CYP7B1: variants seen among roughly 807,000 people sequenced by gnomAD.
CYP7B1 encodes cytochrome P450 family 7 subfamily B member 1, also known as cytochrome P450 7B1.
CYP7B1 carries 29 observed loss-of-function variants against 42.7 expected under a neutral mutation model. The observed-to-expected ratio is 0.68, with a 90% confidence interval of 0.51 to 0.93. The LOEUF (loss-of-function observed/expected upper bound fraction) is 0.93, where lower values mean the gene tolerates loss of function less well. Among genes scored for constraint, CYP7B1 ranks in the 40% least tolerant of loss-of-function variants. The pLI is 0.00. For missense variants in CYP7B1, 655 were observed against 600.5 expected (o/e 1.09, Z -0.95); for synonymous variants, 235 against 218.2 (o/e 1.08, Z -0.68).
intron 1 of CYP7B1, among the ~76,000 whole-genome samples, chr8:64,676,976 G>T (rs1000163858): frequency 2.0e-5 from 3 of 152,014 alleles, no homozygotes; most frequent in African/African-American, 7.3e-5. Context: ...AACTGGTATT[G>T]TCAGCTGATG....
intron 3 of CYP7B1, 103 bp downstream of exon 3, chr8:64,615,588 A>C (rs551479560): frequency 9.1e-7 from 1 of 1,098,534 alleles, no homozygotes; most frequent in East Asian, 2.4e-5. Flanking sequence ...AGCCAATTAG[A>C]AAGAGCATAA....
chr8:64,665,076 T>C (rs1806254822), intron 1 of CYP7B1, among the ~76,000 whole-genome samples: 1 of 152,226 alleles, frequency 6.6e-6, no homozygotes, highest in Non-Finnish European at 1.5e-5. Context: ...AGTCCATTAC[T>C]GTCAGTGGGA....
At chr8:64,659,854 G>A (rs955987130) in intron 1 of CYP7B1, among the ~76,000 whole-genome samples, 2 of 152,146 alleles carry the variant, frequency 1.3e-5, no homozygotes, top group African/African-American at 4.8e-5. Context: ...TACCCATCTT[G>A]AGTTTGTAAG....
intron 1 of CYP7B1, among the ~76,000 whole-genome samples, chr8:64,700,152 C>A (rs1468787076): frequency 6.6e-6 from 1 of 152,130 alleles, no homozygotes; most frequent in East Asian, 1.9e-4. Flanking sequence ...CACACATGTG[C>A]AGAGTCACAC....
At chr8:64,598,389 C>T (rs977661775) in intron 5 of CYP7B1, among the ~76,000 whole-genome samples, 2 of 152,152 alleles carry the variant, frequency 1.3e-5, no homozygotes, top group South Asian at 2.1e-4. Flanking sequence ...GGGCTCAAGC[C>T]TGCTTGCCTG....
intron 1 of CYP7B1, among the ~76,000 whole-genome samples, chr8:64,766,800 C>T (rs1807979627): frequency 6.6e-6 from 1 of 152,150 alleles, no homozygotes; most frequent in Non-Finnish European, 1.5e-5. Context: ...ACTGAGGGTG[C>T]CCAGGGCAAG....
downstream of CYP7B1, among the ~76,000 whole-genome samples, chr8:64,590,033 G>A (rs889574036): frequency 6.6e-6 from 1 of 152,126 alleles, no homozygotes; most frequent in African/African-American, 2.4e-5. Flanking sequence ...TTTTTATCCT[G>A]AAAAGAAAAT....
At chr8:64,646,766 G>C (rs1022931993) in intron 1 of CYP7B1, among the ~76,000 whole-genome samples, 1 of 152,126 alleles carries the variant, frequency 6.6e-6, no homozygotes, top group African/African-American at 2.4e-5. Context: ...TAAACCTCAC[G>C]AACTGCCCTT....
chr8:64,586,623 G>A (rs1276422069), downstream of CYP7B1, among the ~76,000 whole-genome samples: 2 of 152,174 alleles, frequency 1.3e-5, no homozygotes, highest in Non-Finnish European at 2.9e-5. Context: ...TGATTCACAT[G>A]GAAAGCAGGA....
chr8:64,783,912 G>C (rs1804475503), intron 1 of CYP7B1, among the ~76,000 whole-genome samples: 1 of 152,150 alleles, frequency 6.6e-6, no homozygotes, highest in Non-Finnish European at 1.5e-5. Context: ...AAATGGTACA[G>C]TTAATTTTAC....
At chr8:64,651,890 A>C (rs1217228750) in intron 1 of CYP7B1, among the ~76,000 whole-genome samples, 1 of 152,200 alleles carries the variant, frequency 6.6e-6, no homozygotes, top group African/African-American at 2.4e-5. Context: ...ATGAACTAAG[A>C]CAGCTCCCTT....
At position 64,730,751 on chromosome 8, in the gene CYP7B1, G is replaced by GCACACACACACA. The variant is rs61050207; in HGVS notation, c.122+67703_122+67714dup. Reference sequence around the variant, plus strand: ...GAACCCTGTGAAGCAAGGACTGTCTGCACACACACACACACACACACACAC... The same window carrying GCACACACACACA: ...GAACCCTGTGAAGCAAGGACTGTCTGCACACACACACACACACACACACACACACACACACAC... On this transcript the variant is annotated intron_variant, in intron 1 of 5. Transcript: ENST00000310193. 2.9e-3 allele frequency among the ~76,000 whole-genome samples: 417 copies of GCACACACACACA among 142,962 alleles called. 10 individuals are homozygous for GCACACACACACA. The highest frequency in any genetic ancestry group is 9.6e-3 in the African/African-American group (359 of 37,390). The allele number at this position is 142,962 out of a possible 152,430, so 93.8% of individuals were successfully genotyped here. A position where few individuals can be genotyped will look rare whatever the true frequency, so the allele number is the denominator to read the frequency against.
intron 1 of CYP7B1, among the ~76,000 whole-genome samples, chr8:64,740,301 A>G (rs1807549396): frequency 6.6e-6 from 1 of 152,100 alleles, no homozygotes; most frequent in Non-Finnish European, 1.5e-5. Flanking sequence ...CGAATTAAAC[A>G]ACAAATTCCT....
Position 64,798,686 on chromosome 8 carries a change from C to T in CYP7B1, c.-99G>A. On this transcript the variant is annotated 5_prime_UTR_variant, in exon 1 of 6. Coordinates refer to ENST00000310193, the MANE Select transcript of CYP7B1 (RefSeq NM_004820.5). ...GCGGCGGCTTCTCTCGGCGGCGCCC[C>T]CTAGTCCAGGGCCGGAGAGGCTGGC... The T allele has an allele frequency of 7.5e-7, 1 of 1,333,974 alleles. No homozygotes were observed. Among genetic ancestry groups the T allele is most frequent in the Non-Finnish European group, 9.7e-7 (1 of 1,028,350 alleles). The allele number at this position is 1,333,974 out of a possible 1,614,324, so 82.6% of individuals were successfully genotyped here. A position where few individuals can be genotyped will look rare whatever the true frequency, so the allele number is the denominator to read the frequency against.
At chr8:64,738,928 T>C (rs1229282661) in intron 1 of CYP7B1, among the ~76,000 whole-genome samples, 2 of 152,170 alleles carry the variant, frequency 1.3e-5, no homozygotes. Context: ...CTGGGAGCCA[T>C]AGTCTTGGGC....
chr8:64,645,310 G>A (rs1286473594), intron 1 of CYP7B1, among the ~76,000 whole-genome samples: 2 of 152,062 alleles, frequency 1.3e-5, no homozygotes, highest in African/African-American at 4.8e-5. Flanking sequence ...GGTATTTCTA[G>A]TTCTAGATTC....
At chr8:64,687,076 C>T (rs1269116392) in intron 1 of CYP7B1, among the ~76,000 whole-genome samples, 1 of 147,522 alleles carries the variant, frequency 6.8e-6, no homozygotes, top group Non-Finnish European at 1.5e-5. Flanking sequence ...ACTATTGTCC[C>T]ATGACCCTGC....
At chr8:64,798,369 A>C in intron 1 of CYP7B1, 97 bp downstream of exon 1, 1 of 1,399,864 alleles carries the variant, frequency 7.1e-7, no homozygotes, top group Non-Finnish European at 9.2e-7. Context: ...GACTGTCTGC[A>C]CTGGAAATCA....
chr8:64,686,401 A>AGGT, intron 1 of CYP7B1, among the ~76,000 whole-genome samples: 1 of 31,414 alleles, frequency 3.2e-5, no homozygotes, highest in South Asian at 7.7e-4. Flanking sequence ...TCCGGGAGGG[A>AGGT]GGTGGGGGGG....
Sources: gnomAD v4.1 joint callset for allele counts (sites outside exome capture counted in the v4.1 genomes callset) on GRCh38, gnomAD v4.1.1 for gene constraint, MANE v1.5 for transcripts, NCBI Gene and HGNC (gene_info 2026-07-23, HGNC 2026-07-21) for gene names.